Variants in EML6 observed in about 807,000 individuals in gnomAD.
The protein encoded by EML6 is EMAP like 6.
A neutral mutation model predicts 240.1 loss-of-function variants in EML6; 154 were observed. The observed-to-expected ratio is 0.64, with a 90% confidence interval of 0.56 to 0.73. EML6 has a LOEUF of 0.73. Ranked by LOEUF, EML6 falls within the 30% of genes least tolerant of loss-of-function variation. The pLI is 0.00. For missense variants in EML6, 2,964 were observed against 2,474.6 expected (o/e 1.20, Z -4.20); for synonymous variants, 1,148 against 899.0 (o/e 1.28, Z -4.95).
At chr2:54,826,865 T>C (rs1252677446) in intron 5 of EML6, among the ~76,000 whole-genome samples, 1 of 152,176 alleles carries the variant, frequency 6.6e-6, no homozygotes, top group East Asian at 1.9e-4. Flanking sequence ...TTTCCAAATA[T>C]ATGTACACTA....
rs35189000 is a variant in EML6 at position 54,801,319 on chromosome 2, GAA to G, written c.198-11899_198-11898del. Among the ~76,000 whole-genome samples, 479 of 94,934 alleles carry G rather than the reference GAA, an allele frequency of 5.0e-3. 3 individuals carry two copies. The highest frequency in any genetic ancestry group is 0.02 in the African/African-American group (455 of 23,304). The allele number at this position is 94,934 out of a possible 152,430, so 62.3% of individuals were successfully genotyped here. A position where few individuals can be genotyped will look rare whatever the true frequency, so the allele number is the denominator to read the frequency against. ...TACAGAGCGAGACTCTGTCTCAAAA[GAA>G]AAAAAAAAAAAAAGGTTTCTCATTG... On this transcript the variant is annotated intron_variant, in intron 2 of 41. Transcript: ENST00000356458.
chr2:54,911,091 T>A, intron 25 of EML6, 49 bp downstream of exon 25: 1 of 967,780 alleles, frequency 1.0e-6, no homozygotes, highest in Non-Finnish European at 1.6e-6. Context: ...GAAGATTTAA[T>A]ATGTGCATTT....
chr2:54,781,283 C>T (rs1243844226), intron 2 of EML6, among the ~76,000 whole-genome samples: 1 of 152,132 alleles, frequency 6.6e-6, no homozygotes, highest in South Asian at 2.1e-4. Context: ...TTGCAAGGAG[C>T]CAGTCATCCA....
intron 2 of EML6, among the ~76,000 whole-genome samples, chr2:54,798,272 A>G (rs1364508469): frequency 6.6e-6 from 1 of 152,106 alleles, no homozygotes; most frequent in Non-Finnish European, 1.5e-5. Flanking sequence ...TCCCGGGTTC[A>G]AGTGCTTCTC....
At chr2:54,813,429 C>G (rs1326087173) in intron 3 of EML6, 38 bp downstream of exon 3, 2 of 1,486,448 alleles carry the variant, frequency 1.3e-6, no homozygotes, top group East Asian at 4.9e-5. Context: ...TTAATGACTT[C>G]TCACAACTCA....
At chr2:54,889,691 AT>A (rs1407575385) in intron 17 of EML6, among the ~76,000 whole-genome samples, 1 of 151,870 alleles carries the variant, frequency 6.6e-6, no homozygotes, top group South Asian at 2.1e-4. Flanking sequence ...TTCCTTTTTA[AT>A]TTTTTAGACA....
At chr2:54,761,960 C>G (rs556939143) in intron 2 of EML6, among the ~76,000 whole-genome samples, 4 of 151,942 alleles carry the variant, frequency 2.6e-5, no homozygotes, top group Non-Finnish European at 5.9e-5. Context: ...ACTTGTATAA[C>G]CACAGTATGG....
chr2:54,829,193 A>C (rs913423487), intron 6 of EML6, 149 bp from the exon 7 acceptor site: 1 of 592,328 alleles, frequency 1.7e-6, no homozygotes, highest in Admixed American at 3.5e-5. Context: ...ATAAATGGCT[A>C]CTTGGTCTAT....
At position 54,893,416 on chromosome 2, in the gene EML6, G is replaced by A. The variant is rs368791743; in HGVS notation, c.2742+760G>A. On this transcript the variant is annotated intron_variant, in intron 19 of 41. Coordinates refer to ENST00000356458, the MANE Select transcript of EML6 (RefSeq NM_001039753.4). The stretch of plus-strand genomic sequence containing the variant: ...AGGGCCAATAAGAGTGGGAGGGTCC[G>A]AAATCATCCTTTAGTAATGAACCCA... 3.3e-4 allele frequency among the ~76,000 whole-genome samples: 50 copies of A among 152,172 alleles called. No homozygotes were observed. In the South Asian group the frequency reaches 9.1e-3, roughly 28 times the overall value.
At chr2:54,918,984 G>A (rs975328455) in intron 26 of EML6, among the ~76,000 whole-genome samples, 5 of 152,066 alleles carry the variant, frequency 3.3e-5, no homozygotes, top group Non-Finnish European at 7.4e-5. Context: ...ATATTTTCCG[G>A]AGCCTATTTG....
intron 11 of EML6, among the ~76,000 whole-genome samples, chr2:54,858,377 A>G (rs1313500879): frequency 1.3e-5 from 2 of 152,214 alleles, no homozygotes; most frequent in Non-Finnish European, 2.9e-5. Context: ...CTCTGCAAAG[A>G]GATAGGCTAA....
rs146185544 is a variant in EML6, at chr2:54,941,552, G to T, written c.4005-7330G>T. 6.6e-5 allele frequency among the ~76,000 whole-genome samples: 10 copies of T among 152,330 alleles called. No individual in the cohort carries two copies. The East Asian group carries it at 1.9e-3, about 29-fold the overall frequency. ...CCATCCTGCTAAGCTAATGCTGCTG[G>T]ATTTACCATATAGAGATTGATGAAA... On this transcript the variant is annotated intron_variant, in intron 28 of 41. Coordinates refer to ENST00000356458, the MANE Select transcript of EML6 (RefSeq NM_001039753.4).
intron 7 of EML6, among the ~76,000 whole-genome samples, chr2:54,837,894 G>T (rs1312615301): frequency 6.6e-6 from 1 of 152,130 alleles, no homozygotes; most frequent in Admixed American, 6.5e-5. Context: ...AACCATGCCT[G>T]GCCCTTTACC....
At chr2:54,828,173 T>C (rs1301596673) in intron 6 of EML6, among the ~76,000 whole-genome samples, 1 of 151,930 alleles carries the variant, frequency 6.6e-6, no homozygotes, top group Non-Finnish European at 1.5e-5. Flanking sequence ...AGATAACGAT[T>C]GCTCTTGTAT....
intron 7 of EML6, among the ~76,000 whole-genome samples, chr2:54,836,654 C>A (rs1161618259): frequency 1.3e-5 from 2 of 152,148 alleles, no homozygotes. Flanking sequence ...CCTGGGGGTC[C>A]CCTGGCAGGG....
At chr2:54,855,468 C>T (rs925763373) in intron 11 of EML6, among the ~76,000 whole-genome samples, 5 of 110,754 alleles carry the variant, frequency 4.5e-5, no homozygotes, top group South Asian at 3.4e-4. Flanking sequence ...GCCCCCCCCC[C>T]GCCCTCTAAT....
intron 2 of EML6, among the ~76,000 whole-genome samples, chr2:54,789,539 A>AAAAAAAAAAG (rs1558549468): frequency 1.4e-5 from 2 of 141,748 alleles, no homozygotes; most frequent in African/African-American, 2.6e-5. Context: ...AAAAAAAAAA[A>AAAAAAAAAAG]AAAAAAAAAG....
intron 3 of EML6, among the ~76,000 whole-genome samples, chr2:54,815,287 T>A (rs1363612159): frequency 6.6e-6 from 1 of 152,212 alleles, no homozygotes; most frequent in Non-Finnish European, 1.5e-5. Context: ...TAACCTCTTG[T>A]ATGTTAGCCA....
rs1018829372 is a variant in EML6 at position 54,970,567 on chromosome 2, A to G, written c.*472A>G. 6.2e-6 allele frequency: 1 copy of G among 160,288 alleles called. No individual in the cohort carries two copies. Among genetic ancestry groups the G allele is most frequent in the Non-Finnish European group, 1.4e-5 (1 of 72,310 alleles). The allele number at this position is 160,288 out of a possible 1,614,324, so 9.9% of individuals were successfully genotyped here. A position where few individuals can be genotyped will look rare whatever the true frequency, so the allele number is the denominator to read the frequency against. The stretch of plus-strand genomic sequence containing the variant: ...AGTTAGATGCACCGAAGTACTAGAA[A>G]TATCGCTAGCCTCTGTTCTCCAGTT... On this transcript the variant is annotated 3_prime_UTR_variant, in exon 42 of 42. Coordinates refer to ENST00000356458, the MANE Select transcript of EML6 (RefSeq NM_001039753.4).
Sources: gnomAD v4.1 joint callset for allele counts (sites outside exome capture counted in the v4.1 genomes callset) on GRCh38, gnomAD v4.1.1 for gene constraint, MANE v1.5 for transcripts, NCBI Gene and HGNC (gene_info 2026-07-23, HGNC 2026-07-21) for gene names.